Variants in RASGRP3 observed in about 807,000 individuals in gnomAD.
RASGRP3 encodes the protein ras guanyl-releasing protein 3.
Under a neutral mutation model 82.7 loss-of-function variants are expected in RASGRP3, and 54 were observed. That is an observed-to-expected ratio of 0.65 (90% CI 0.52 to 0.82). The LOEUF (loss-of-function observed/expected upper bound fraction) is 0.82. Ranked by LOEUF, RASGRP3 falls within the 40% of genes least tolerant of loss-of-function variation. The pLI is 0.00. For missense variants in RASGRP3, 861 were observed against 828.9 expected, an observed-to-expected ratio of 1.04 and a Z score of -0.48; for synonymous variants, 309 against 300.5, an observed-to-expected ratio of 1.03 and a Z score of -0.29.
intron 4 of RASGRP3, among the ~76,000 whole-genome samples, chr2:33,518,549 A>T (rs1671677333): frequency 6.6e-6 from 1 of 152,166 alleles, no homozygotes; most frequent in Non-Finnish European, 1.5e-5. Context: ...TTTCCTCAAT[A>T]ATAAATTAAC....
At chr2:33,537,444 C>T (rs1460338465) in intron 11 of RASGRP3, among the ~76,000 whole-genome samples, 2 of 151,830 alleles carry the variant, frequency 1.3e-5, no homozygotes, top group African/African-American at 4.8e-5. Context: ...CTGCAACCTC[C>T]ACCTCCCTGG....
intron 2 of RASGRP3, among the ~76,000 whole-genome samples, chr2:33,463,538 G>C (rs969681503): frequency 6.6e-6 from 1 of 151,966 alleles, no homozygotes; most frequent in Non-Finnish European, 1.5e-5. Flanking sequence ...CAGAGGCTGG[G>C]GTGTAGAGGC....
At position 33,557,270 on chromosome 2, in the gene RASGRP3, A is replaced by C. The variant is rs546414376; in HGVS notation, c.1580-941A>C. On this transcript the variant is annotated intron_variant, in intron 15 of 17. Transcript: ENST00000403687. ...CTTATCTAAAACATCCTAATGGGCAATTCACAGACTCTGCTGCACGCTGTT... is the reference window on the plus strand; with the variant it reads ...CTTATCTAAAACATCCTAATGGGCACTTCACAGACTCTGCTGCACGCTGTT... 7.9e-4 allele frequency among the ~76,000 whole-genome samples: 120 copies of C among 152,374 alleles called. 3 individuals carry two copies. The South Asian group carries it at 0.025, about 32-fold the overall frequency.
In RASGRP3 at chr2:33,534,345, C is replaced by T. The variant is rs759866276; in HGVS notation, c.1106C>T (p.Thr369Ile). 6.3e-7 allele frequency: 1 copy of T among 1,577,552 alleles called. No homozygotes were observed. Among genetic ancestry groups the T allele is most frequent in the Non-Finnish European group, 8.7e-7 (1 of 1,147,700 alleles). ...TAGCTTTCCCTGGACCTCTATCACA[C>T]TGAAGATGATATTTACAAACTGTCA... ...LLTLSLDLYH[T>I]EDDIYKLSLV... Residue 369 changes from threonine (T) to isoleucine (I), a missense_variant, in exon 11 of 18, where the codon ACT becomes ATT. Thr to Ile is a moderately conservative substitution (Grantham distance 89). Transcript: ENST00000403687.
intron 14 of RASGRP3, among the ~76,000 whole-genome samples, chr2:33,554,341 C>G (rs1574494623): frequency 6.6e-6 from 1 of 152,164 alleles, no homozygotes; most frequent in African/African-American, 2.4e-5. Flanking sequence ...CCACCTAACC[C>G]AAACACAAAG....
upstream of RASGRP3, among the ~76,000 whole-genome samples, chr2:33,475,526 A>G (rs187806380): frequency 5.3e-5 from 8 of 152,342 alleles, no homozygotes; most frequent in Admixed American, 3.3e-4. Flanking sequence ...GGGGACTTCA[A>G]CCATCTTTTC....
At chr2:33,478,682 A>G (rs4670572) in intron 1 of RASGRP3, among the ~76,000 whole-genome samples, 1,729 of 152,348 alleles carry the variant, frequency 0.011, 95 homozygotes, top group Admixed American at 0.1. Flanking sequence ...AGACTTTTTG[A>G]CCTGGATAGG....
intron 14 of RASGRP3, among the ~76,000 whole-genome samples, chr2:33,553,458 A>G (rs897333743): frequency 6.6e-6 from 1 of 152,188 alleles, no homozygotes; most frequent in African/African-American, 2.4e-5. Context: ...TATCATCATT[A>G]TTATTGCTAT....
At position 33,558,256 on chromosome 2, in the gene RASGRP3, T is replaced by C. The variant is rs1320443853; in HGVS notation, c.1625T>C (p.Leu542Pro). The change falls in exon 16 of 18, where the codon CTG becomes CCG. Residue 542 changes from leucine (L) to proline (P), a missense_variant. Leu to Pro is a moderately conservative substitution (Grantham distance 98, BLOSUM62 -3). Coordinates refer to ENST00000403687, the MANE Select transcript of RASGRP3 (RefSeq NM_001139488.2). The part of the protein sequence containing the change: ...CHKQCKDLLV[L>P]ACRRFARAPS... Reference sequence around the variant, plus strand: ...AAACAGTGCAAAGACCTCCTGGTTCTGGCCTGCAGGAGATTTGCCCGGGCG... The same window carrying C: ...AAACAGTGCAAAGACCTCCTGGTTCCGGCCTGCAGGAGATTTGCCCGGGCG... 6.2e-7 allele frequency: 1 copy of C among 1,613,066 alleles called. No individual in the cohort carries two copies.
In RASGRP3 at chr2:33,527,323, C is replaced by G. The variant is rs866819887; in HGVS notation, c.994C>G (p.Gln332Glu). Reference sequence around the variant, plus strand: ...CAAAGTGAACATTGTGAAAATGCACCAGCTCTCCGTTACCCTGAGTGAACT... The same window carrying G: ...CAAAGTGAACATTGTGAAAATGCACGAGCTCTCCGTTACCCTGAGTGAACT... ...ENKVNIVKMH[Q>E]LSVTLSELVS... is the part of the protein sequence containing the mutation. The change falls in exon 10 of 18, where the codon CAG becomes GAG. Residue 332 changes from glutamine to glutamate, a missense_variant. Physicochemically the swap from Gln to Glu is conservative, Grantham distance 29. Coordinates refer to ENST00000403687, the MANE Select transcript of RASGRP3 (RefSeq NM_001139488.2). The G allele has an allele frequency of 2.5e-6, 4 of 1,613,826 alleles. No individual in the cohort carries two copies. Among genetic ancestry groups the G allele is most frequent in the Non-Finnish European group, 3.4e-6 (4 of 1,179,758 alleles).
chr2:33,525,209 T>A (rs1199111599), intron 9 of RASGRP3, among the ~76,000 whole-genome samples: 1 of 151,942 alleles, frequency 6.6e-6, no homozygotes, highest in Admixed American at 6.6e-5. Context: ...ACAGAAATAG[T>A]TCCTACCCTA....
At chr2:33,554,026 C>T (rs908103233) in intron 14 of RASGRP3, among the ~76,000 whole-genome samples, 6 of 152,160 alleles carry the variant, frequency 3.9e-5, no homozygotes, top group Admixed American at 2.6e-4. Context: ...CGTGAGCCAC[C>T]GCGCCCGGCT....
intron 15 of RASGRP3, among the ~76,000 whole-genome samples, chr2:33,556,944 T>G (rs1676049569): frequency 7.3e-6 from 1 of 137,144 alleles, no homozygotes; most frequent in Non-Finnish European, 1.6e-5. Flanking sequence ...TTTATAAAGA[T>G]GAAAATCTAT....
chr2:33,531,159 A>C (rs181173255), intron 10 of RASGRP3, among the ~76,000 whole-genome samples: 1 of 152,180 alleles, frequency 6.6e-6, no homozygotes, highest in African/African-American at 2.4e-5. Context: ...AGTCAAGCCA[A>C]TGTAGATCCT....
chr2:33,559,103 G>T, intron 17 of RASGRP3, 73 bp downstream of exon 17: 1 of 1,261,148 alleles, frequency 7.9e-7, no homozygotes, highest in Non-Finnish European at 1.1e-6. Context: ...CGTTACAGAG[G>T]GTCTGGGGGG....
intron 11 of RASGRP3, among the ~76,000 whole-genome samples, chr2:33,538,865 C>T (rs1341694212): frequency 6.6e-6 from 1 of 151,928 alleles, no homozygotes; most frequent in African/African-American, 2.4e-5. Context: ...ATGGTGAAAC[C>T]CCATTTGTAC....
At chr2:33,518,518 C>A (rs1428668477) in intron 4 of RASGRP3, among the ~76,000 whole-genome samples, 1 of 152,084 alleles carries the variant, frequency 6.6e-6, no homozygotes, top group East Asian at 1.9e-4. Flanking sequence ...TAGGCTACAC[C>A]AAATTATAAA....
intron 2 of RASGRP3, chr2:33,458,267 T>G (rs998478221): frequency 6.6e-6 from 1 of 152,232 alleles, no homozygotes; most frequent in South Asian, 2.1e-4. Context: ...AATCCTTTAA[T>G]GAGTAGCTTT....
At chr2:33,524,159 A>G (rs1672301347) in intron 8 of RASGRP3, 107 bp downstream of exon 8, 2 of 1,274,390 alleles carry the variant, frequency 1.6e-6, no homozygotes, top group Non-Finnish European at 2.2e-6. Context: ...GCATCGGACA[A>G]CTAAACTACT....
Sources: gnomAD v4.1 joint callset for allele counts (sites outside exome capture counted in the v4.1 genomes callset) on GRCh38, gnomAD v4.1.1 for gene constraint, MANE v1.5 for transcripts, NCBI Gene and HGNC (gene_info 2026-07-23, HGNC 2026-07-21) for gene names.